The following TRIM24 variants were observed in gnomAD, a reference collection of about 807,000 sequenced individuals.
TRIM24 encodes transcription intermediary factor 1-alpha.
Under a neutral mutation model 123.9 loss-of-function variants are expected in TRIM24, and 29 were observed. The ratio of observed to expected loss-of-function variants is 0.23; its 90% CI spans 0.17 to 0.32. The LOEUF (loss-of-function observed/expected upper bound fraction) is 0.32, where lower values mean the gene tolerates loss of function less well. TRIM24 is among the 10% of genes least tolerant of loss of function. TRIM24 has a pLI of 1.00. For missense variants in TRIM24, 932 were observed against 1,295.3 expected, an observed-to-expected ratio of 0.72 and a Z score of 4.31; for synonymous variants, 456 against 461.1, an observed-to-expected ratio of 0.99 and a Z score of 0.14.
At chr7:138,540,015 T>C (rs1796971900) in intron 7 of TRIM24, among the ~76,000 whole-genome samples, 1 of 152,132 alleles carries the variant, frequency 6.6e-6, no homozygotes. Context: ...TTAGCCAGGA[T>C]GGTCCCGATC....
At chr7:138,533,959 G>A (rs1302513200) in intron 6 of TRIM24, among the ~76,000 whole-genome samples, 10 of 152,166 alleles carry the variant, frequency 6.6e-5, no homozygotes, top group Middle Eastern at 3.4e-3. Flanking sequence ...TGTATATGTC[G>A]AGGAATTTAT....
At position 138,529,156 on chromosome 7, in the gene TRIM24, G is replaced by A; in HGVS notation, c.922G>A (p.Asp308Asn). Residue 308 changes from aspartate (D) to asparagine (N), a missense_variant, in exon 6 of 19, where the codon GAT becomes AAT. Asp to Asn is a conservative substitution (Grantham distance 23). This residue lies in a region of TRIM24 where 527 missense variants were observed against 691.3 expected (regional missense o/e 0.76). Coordinates refer to ENST00000343526, the MANE Select transcript of TRIM24 (RefSeq NM_015905.3). ...VNQNQKQVEQ[D>N]IKVAIFTLMV... The stretch of plus-strand genomic sequence containing the variant: ...TCAAAATCAAAAGCAGGTGGAACAG[G>A]ATATTAAAGTTGCTATATTTACACT... 1.3e-6 allele frequency: 2 copies of A among 1,576,160 alleles called. No individual in the cohort carries two copies. Among genetic ancestry groups the A allele is most frequent in the Non-Finnish European group, 8.6e-7 (1 of 1,165,050 alleles).
intron 4 of TRIM24, among the ~76,000 whole-genome samples, chr7:138,523,692 A>T (rs1409153462): frequency 7.2e-6 from 1 of 139,778 alleles, no homozygotes; most frequent in Admixed American, 8.0e-5. Flanking sequence ...CAGAGCTTCC[A>T]GTGAGCCGAG....
intron 9 of TRIM24, among the ~76,000 whole-genome samples, chr7:138,558,442 T>C (rs1387886788): frequency 6.6e-6 from 1 of 152,018 alleles, no homozygotes; most frequent in African/African-American, 2.4e-5. Context: ...ACAGTCAGAG[T>C]AAAGTTACCT....
intron 1 of TRIM24, among the ~76,000 whole-genome samples, chr7:138,467,497 A>T (rs1246851239): frequency 6.6e-6 from 1 of 152,100 alleles, no homozygotes; most frequent in Non-Finnish European, 1.5e-5. Flanking sequence ...ATGCGCCACT[A>T]CGCCCAGCTG....
chr7:138,519,289 A>G lies in TRIM24; in HGVS notation c.732A>G (p.Arg244=). The change falls in exon 4 of 19, where the codon CGA becomes CGG. Residue 244 remains arginine, a synonymous_variant. Transcript: ENST00000343526. ...AGACATGTGACAAACTGACATGTCG[A>G]GACTGTCAGTTGTTAGAACATAAAG... The part of the protein sequence containing the change: ...YCETCDKLTC[R]DCQLLEHKEH... 1.9e-6 allele frequency: 3 copies of G among 1,613,220 alleles called. No individual in the cohort carries two copies. The highest frequency in any genetic ancestry group is 2.5e-6 in the Non-Finnish European group (3 of 1,179,704).
At position 138,571,093 on chromosome 7, in the gene TRIM24, G is replaced by T. The variant is rs1289867578; in HGVS notation, c.1878+90G>T. On this transcript the variant is annotated intron_variant, in intron 11 of 18. Coordinates refer to ENST00000343526, the MANE Select transcript of TRIM24 (RefSeq NM_015905.3). ...TCCTGTAATCCCAGCACTTTGGGAG[G>T]CTGAGGCAGACAGATTACTTGAGGT... The T allele has an allele frequency of 2.9e-5, 38 of 1,327,668 alleles. No individual in the cohort carries two copies. The Admixed American group carries it at 6.4e-4, about 22-fold the overall frequency. 82.2% of individuals were successfully genotyped at this position (1,327,668 alleles called of 1,614,324 possible). A position where few individuals can be genotyped will look rare whatever the true frequency, so the allele number is the denominator to read the frequency against.
At chr7:138,526,467 G>T (rs969708722) in intron 5 of TRIM24, among the ~76,000 whole-genome samples, 1 of 150,792 alleles carries the variant, frequency 6.6e-6, no homozygotes, top group East Asian at 2.0e-4. Context: ...TTTTTGAGAC[G>T]GAGTCTCACT....
intron 1 of TRIM24, among the ~76,000 whole-genome samples, chr7:138,461,708 T>G (rs1026563252): frequency 7.2e-5 from 11 of 152,248 alleles, no homozygotes; most frequent in African/African-American, 2.7e-4. Flanking sequence ...TTGAAACATT[T>G]AAAGTAAGTT....
chr7:138,557,087 G>A (rs1797329887), intron 9 of TRIM24, among the ~76,000 whole-genome samples: 1 of 152,198 alleles, frequency 6.6e-6, no homozygotes, highest in Admixed American at 6.5e-5. Context: ...ATGGTAAGGG[G>A]CATGAGGAGA....
At chr7:138,532,717 A>G (rs1402277446) in intron 6 of TRIM24, among the ~76,000 whole-genome samples, 1 of 152,138 alleles carries the variant, frequency 6.6e-6, no homozygotes, top group African/African-American at 2.4e-5. Flanking sequence ...GTTCCATATG[A>G]ACTTGAAAAT....
intron 10 of TRIM24, among the ~76,000 whole-genome samples, chr7:138,570,539 A>G (rs968865940): frequency 1.6e-4 from 24 of 150,974 alleles, no homozygotes; most frequent in Non-Finnish European, 5.9e-5. Context: ...ATATATTTAC[A>G]TTTTTTTTCC....
chr7:138,498,953 A>T (rs530531692), intron 1 of TRIM24, among the ~76,000 whole-genome samples: 15 of 152,178 alleles, frequency 9.9e-5, no homozygotes, highest in African/African-American at 3.6e-4. Flanking sequence ...TGTTTTTTTA[A>T]ATGTCAATTG....
intron 12 of TRIM24, among the ~76,000 whole-genome samples, chr7:138,575,881 T>C (rs1458858370): frequency 6.6e-6 from 1 of 152,172 alleles, no homozygotes; most frequent in East Asian, 1.9e-4. Context: ...TTAGTTGGTT[T>C]AATTTTGTTT....
intron 1 of TRIM24, among the ~76,000 whole-genome samples, chr7:138,493,822 A>G (rs1419451075): frequency 6.6e-6 from 1 of 152,138 alleles, no homozygotes; most frequent in African/African-American, 2.4e-5. Flanking sequence ...TCTCTTACCA[A>G]AGGTAAGACA....
chr7:138,576,277 C>G (rs1214263251), intron 12 of TRIM24, 96 bp from the exon 13 acceptor site: 7 of 1,128,228 alleles, frequency 6.2e-6, no homozygotes, highest in Admixed American at 5.3e-5. Flanking sequence ...CATCATGGTT[C>G]CCAGTTTCAA....
chr7:138,464,151 C>T (rs544218182), intron 1 of TRIM24, among the ~76,000 whole-genome samples: 3 of 151,540 alleles, frequency 2.0e-5, no homozygotes, highest in East Asian at 1.9e-4. Context: ...CATGCCACCA[C>T]GCCCGGCTAA....
chr7:138,483,917 T>A (rs756165390), intron 1 of TRIM24, among the ~76,000 whole-genome samples: 5 of 152,094 alleles, frequency 3.3e-5, no homozygotes, highest in Non-Finnish European at 7.4e-5. Flanking sequence ...AGTATTTGGT[T>A]AAGGGACCCT....
At chr7:138,501,176 A>G (rs1393052918) in intron 1 of TRIM24, among the ~76,000 whole-genome samples, 2 of 152,164 alleles carry the variant, frequency 1.3e-5, no homozygotes, top group African/African-American at 2.4e-5. Flanking sequence ...CCACAGTATT[A>G]TCAATATTAC....
Sources: gnomAD v4.1 joint callset for allele counts (sites outside exome capture counted in the v4.1 genomes callset) on GRCh38, gnomAD v4.1.1 for gene constraint, gnomAD v4.1.1 regional missense constraint, MANE v1.5 for transcripts, NCBI Gene and HGNC (gene_info 2026-07-23, HGNC 2026-07-21) for gene names.